ANGPT4: variants seen among roughly 807,000 people sequenced by gnomAD.
ANGPT4 encodes angiopoietin-4.
A neutral mutation model predicts 53.0 loss-of-function variants in ANGPT4; 50 were observed. The observed-to-expected ratio is 0.94, with a 90% CI of 0.75 to 1.20. ANGPT4 has a LOEUF of 1.20. Among genes scored for constraint, ANGPT4 ranks in the 50% most tolerant of loss-of-function variants. ANGPT4 has a pLI of 0.00. For synonymous variants in ANGPT4, 251 were observed against 259.7 expected, an observed-to-expected ratio of 0.97 and a Z score of 0.32; for missense variants, 648 against 637.1, an observed-to-expected ratio of 1.02 and a Z score of -0.18.
intron 1 of ANGPT4, among the ~76,000 whole-genome samples, chr20:906,827 T>A (rs889081019): frequency 1.3e-5 from 2 of 152,246 alleles, no homozygotes; most frequent in African/African-American, 4.8e-5. Flanking sequence ...TTCTTCTGGG[T>A]CAGGCTCTGG....
chr20:893,147 G>T (rs1176421651), intron 1 of ANGPT4, among the ~76,000 whole-genome samples: 1 of 152,174 alleles, frequency 6.6e-6, no homozygotes, highest in Non-Finnish European at 1.5e-5. Flanking sequence ...GAGAAAAAAA[G>T]ATCACATTTT....
At chr20:913,408 C>T (rs1427739029) in intron 1 of ANGPT4, among the ~76,000 whole-genome samples, 1 of 152,082 alleles carries the variant, frequency 6.6e-6, no homozygotes, top group East Asian at 1.9e-4. Context: ...CATCTGTAGC[C>T]ATTTGGTAAG....
Position 916,107 on chromosome 20 carries a change from A to T in ANGPT4, c.108T>A (p.Leu36=). 1 of 1,614,160 alleles carries T rather than the reference A, an allele frequency of 6.2e-7. No homozygotes were observed. Among genetic ancestry groups the T allele is most frequent in the South Asian group, 1.1e-5 (1 of 91,084 alleles). The change falls in exon 1 of 9, where the codon CTT becomes CTA. Residue 36 remains leucine (L), a synonymous_variant. Coordinates refer to ENST00000381922, the MANE Select transcript of ANGPT4 (RefSeq NM_015985.4). The part of the protein sequence containing the change: ...RQEADRGCET[L]VVQHGHCSYT... ...AGCTACAGTGGCCGTGCTGGACTAC[A>T]AGTGTCTCGCAGCCCCTATCCGCCT...
At chr20:900,832 A>T (rs1435500001) in intron 1 of ANGPT4, among the ~76,000 whole-genome samples, 1 of 151,584 alleles carries the variant, frequency 6.6e-6, no homozygotes, top group African/African-American at 2.4e-5. Context: ...GACACTCTCT[A>T]ATTGGATGTC....
rs1980988440 is a variant in ANGPT4 at position 872,723 on chromosome 20, G to C, written c.*237C>G. 2 of 534,134 alleles carry C rather than the reference G, an allele frequency of 3.7e-6. No homozygotes were observed. The highest frequency in any genetic ancestry group is 6.7e-6 in the Non-Finnish European group (2 of 298,738). The allele number at this position is 534,134 out of a possible 1,614,324, so 33.1% of individuals were successfully genotyped here. ...GGGAGCCCCTGAAGGGGGAGGGAGA[G>C]AAGAGGGGCGAGGACTACATCAGAG... is the stretch of plus-strand genomic sequence containing the variant. On this transcript the variant is annotated 3_prime_UTR_variant, in exon 9 of 9. Transcript: ENST00000381922.
chr20:897,216 G>A (rs1982091142), intron 1 of ANGPT4, among the ~76,000 whole-genome samples: 1 of 152,168 alleles, frequency 6.6e-6, no homozygotes, highest in Non-Finnish European at 1.5e-5. Context: ...TGGTTCACAT[G>A]GACGTGCATG....
chr20:896,713 C>G (rs956855219), intron 1 of ANGPT4, among the ~76,000 whole-genome samples: 3 of 152,116 alleles, frequency 2.0e-5, no homozygotes, highest in African/African-American at 7.2e-5. Context: ...GGCTGTGTGA[C>G]CTTAGGCTGG....
intron 3 of ANGPT4, among the ~76,000 whole-genome samples, chr20:887,887 G>A (rs1568836063): frequency 6.6e-6 from 1 of 150,676 alleles, no homozygotes; most frequent in East Asian, 1.9e-4. Context: ...ATAAAAGAAG[G>A]AGGAAGGAAG....
At chr20:886,583 A>T (rs1457782754) in intron 3 of ANGPT4, among the ~76,000 whole-genome samples, 1 of 152,232 alleles carries the variant, frequency 6.6e-6, no homozygotes, top group African/African-American at 2.4e-5. Context: ...CATTTAATAC[A>T]CCTAACCTGC....
rs1433585310 is a variant in ANGPT4, at chr20:916,115, C to A, written c.100G>T (p.Glu34Ter). ...QTRQEADRGCETLVVQHGHCS... is the reference protein window; with the variant it reads ...QTRQEADRGC ...TGGCCGTGCTGGACTACAAGTGTCT[C>A]GCAGCCCCTATCCGCCTCCTGCCTT... is the stretch of plus-strand genomic sequence containing the variant. The change falls in exon 1 of 9, where the codon GAG becomes TAG. Residue 34 changes from glutamate (E) to a stop codon, truncating the protein, a stop_gained. Coordinates refer to ENST00000381922, the MANE Select transcript of ANGPT4 (RefSeq NM_015985.4). LOFTEE classifies it high-confidence loss of function. 2.5e-6 allele frequency: 4 copies of A among 1,614,066 alleles called. No individual in the cohort carries two copies. In the African/African-American group the frequency reaches 5.3e-5, roughly 22 times the overall value.
At chr20:907,021 A>G (rs1355310249) in intron 1 of ANGPT4, among the ~76,000 whole-genome samples, 1 of 152,208 alleles carries the variant, frequency 6.6e-6, no homozygotes, top group Non-Finnish European at 1.5e-5. Context: ...AAGCTTGCTC[A>G]ATAGCTTTGC....
At chr20:909,134 T>C (rs556611573) in intron 1 of ANGPT4, among the ~76,000 whole-genome samples, 2 of 152,258 alleles carry the variant, frequency 1.3e-5, no homozygotes, top group East Asian at 3.9e-4. Flanking sequence ...TGGGCCTCCG[T>C]TTCCCCGCAA....
chr20:874,826 C>T (rs1981098331), intron 7 of ANGPT4, among the ~76,000 whole-genome samples: 1 of 152,214 alleles, frequency 6.6e-6, no homozygotes, highest in South Asian at 2.1e-4. Flanking sequence ...AATCCTCCCA[C>T]CTCAGTCTCC....
At position 890,291 on chromosome 20, in the gene ANGPT4, G is replaced by A; in HGVS notation, c.387C>T (p.Ala129=). The change falls in exon 2 of 9, where the codon GCC becomes GCT. Residue 129 remains alanine (A), a synonymous_variant. Coordinates refer to ENST00000381922, the MANE Select transcript of ANGPT4 (RefSeq NM_015985.4). ...VQQQMAQNQT[A]PMLELGTSLL... ...GGCTGGTGCCCAGCTCTAGCATGGG[G>A]GCCGTCTGATTCTGGGCCATTTGCT... 1.9e-6 allele frequency: 3 copies of A among 1,613,982 alleles called. No homozygotes were observed. Among genetic ancestry groups the A allele is most frequent in the Non-Finnish European group, 2.5e-6 (3 of 1,180,000 alleles).
rs181395936 is a variant in ANGPT4 at position 878,344 on chromosome 20, G to T, written c.1054-17C>A. On this transcript the variant is annotated splice_polypyrimidine_tract_variant and intron_variant, in intron 6 of 8. Transcript: ENST00000381922. ...TCCGAAGCCCTATAGGGAGGGGAGC[G>T]TGGGGTGAGACTCATGCTGAGGAGG... 2.5e-6 allele frequency: 4 copies of T among 1,588,328 alleles called. No homozygotes were observed. The highest frequency in any genetic ancestry group is 3.4e-6 in the Non-Finnish European group (4 of 1,159,798).
intron 5 of ANGPT4, among the ~76,000 whole-genome samples, chr20:880,134 G>T (rs1981343196): frequency 6.6e-6 from 1 of 152,224 alleles, no homozygotes; most frequent in Non-Finnish European, 1.5e-5. Context: ...AACTGGGGTT[G>T]TGAAAATTAA....
intron 7 of ANGPT4, among the ~76,000 whole-genome samples, chr20:877,804 ACCCTTCCAC>A (rs1275665641): frequency 6.6e-6 from 1 of 152,132 alleles, no homozygotes; most frequent in African/African-American, 2.4e-5. Flanking sequence ...TGGCCCAGGG[ACCCTTCCAC>A]CCAGCCCCAG....
rs750859544 is a variant in ANGPT4 at position 911,457 on chromosome 20, C to T, written c.309+4449G>A. On this transcript the variant is annotated intron_variant, in intron 1 of 8. Transcript: ENST00000381922. This position sits in a 1 kb window ranked among gnomAD's most constrained non-coding sequence, Gnocchi z 4.9. ...GCCCTGGGTCTTCAGTGTGGACACT[C>T]GGGGAGGTAGAGGTGGGAGGGATGG... 6.6e-6 allele frequency among the ~76,000 whole-genome samples: 1 copy of T among 151,970 alleles called. No individual in the cohort carries two copies. Among genetic ancestry groups the T allele is most frequent in the African/African-American group, 2.4e-5 (1 of 41,368 alleles).
At chr20:875,736 G>A (rs1203857752) in intron 7 of ANGPT4, among the ~76,000 whole-genome samples, 3 of 152,200 alleles carry the variant, frequency 2.0e-5, no homozygotes, top group African/African-American at 4.8e-5. Flanking sequence ...TTGGCAGATG[G>A]CTGGGCCTGG....
Sources: gnomAD v4.1 joint callset for allele counts (sites outside exome capture counted in the v4.1 genomes callset) on GRCh38, gnomAD v4.1.1 for gene constraint, Gnocchi (gnomAD v3.1) non-coding constraint, MANE v1.5 for transcripts, NCBI Gene and HGNC (gene_info 2026-07-23, HGNC 2026-07-21) for gene names.